The following CFAP20DC variants were observed in gnomAD, a reference collection of about 807,000 sequenced individuals.
CFAP20DC encodes protein CFAP20DC.
In CFAP20DC, 84 loss-of-function variants were observed where a neutral mutation model predicts 101.7. The ratio of observed to expected loss-of-function variants is 0.83; its 90% CI spans 0.69 to 0.99. CFAP20DC has a LOEUF of 0.99. CFAP20DC is among the 50% of genes least tolerant of loss of function. CFAP20DC has a pLI of 0.00. For synonymous variants in CFAP20DC, 359 were observed against 351.2 expected (o/e 1.02, Z -0.25); for missense variants, 1,007 against 970.3 (o/e 1.04, Z -0.50).
At chr3:59,037,471 G>A (rs1243543076) in intron 4 of CFAP20DC, among the ~76,000 whole-genome samples, 1 of 151,390 alleles carries the variant, frequency 6.6e-6, no homozygotes, top group Admixed American at 6.6e-5. Flanking sequence ...CTGGGCAAAG[G>A]ATATGAACAG....
At chr3:58,757,489 ATGG>A (rs2069074708) in intron 15 of CFAP20DC, among the ~76,000 whole-genome samples, 1 of 151,230 alleles carries the variant, frequency 6.6e-6, no homozygotes, top group African/African-American at 2.4e-5. Context: ...GTCTTTGTTT[ATGG>A]TGGTTTTTCT....
At position 58,964,218 on chromosome 3, in the gene CFAP20DC, C is replaced by G. The variant is rs1314992959; in HGVS notation, c.279-26456G>C. Among the ~76,000 whole-genome samples, 1 of 152,162 alleles carries G rather than the reference C, an allele frequency of 6.6e-6. No individual in the cohort carries two copies. The highest frequency in any genetic ancestry group is 1.5e-5 in the Non-Finnish European group (1 of 68,030). ...TCGGACAAGAGACTGATTTCAATAA[C>G]CTTCTCCTGTTAAGAAGACTACCCA... On this transcript the variant is annotated intron_variant, in intron 4 of 16. Coordinates refer to ENST00000482387, the MANE Select transcript of CFAP20DC (RefSeq NM_001394063.1). The surrounding 1 kb of genome is among the most constrained non-coding windows in gnomAD (Gnocchi z 4.1).
Position 58,831,699 on chromosome 3 carries a change from G to A in CFAP20DC, c.2162C>T (p.Ser721Phe), listed in dbSNP as rs2076403983. The A allele has an allele frequency of 2.1e-5, 34 of 1,613,892 alleles. No individual in the cohort carries two copies. Among genetic ancestry groups the A allele is most frequent in the Non-Finnish European group, 2.8e-5 (33 of 1,179,924 alleles). Residue 721 changes from serine to phenylalanine, a missense_variant, in exon 14 of 17, where the codon TCC becomes TTC. Ser to Phe is a radical substitution (Grantham distance 155, BLOSUM62 -2). Transcript: ENST00000482387. ...CCAGGGACTCACGGGTGGCAGGCAG[G>A]AGTTCCAGGTGGTTGTGTCGTCACT... The part of the protein sequence containing the change: ...TSSDDTTTWN[S>F]CLPPPVNQGR...
At chr3:58,812,339 T>A (rs558908291) in intron 14 of CFAP20DC, among the ~76,000 whole-genome samples, 7 of 152,048 alleles carry the variant, frequency 4.6e-5, no homozygotes, top group African/African-American at 9.7e-5. Context: ...GATTAAGAAA[T>A]TGTGGCACAT....
At chr3:58,813,046 T>C (rs2074796552) in intron 14 of CFAP20DC, among the ~76,000 whole-genome samples, 1 of 151,896 alleles carries the variant, frequency 6.6e-6, no homozygotes. Context: ...AGTAAGTGTG[T>C]AAATATAATT....
intron 7 of CFAP20DC, among the ~76,000 whole-genome samples, chr3:58,871,808 G>T (rs2080249071): frequency 6.6e-6 from 1 of 152,134 alleles, no homozygotes; most frequent in Non-Finnish European, 1.5e-5. Flanking sequence ...GATTATGGGT[G>T]TGAGCCACCG....
chr3:58,880,150 A>C (rs1468328445), intron 7 of CFAP20DC, among the ~76,000 whole-genome samples: 1 of 152,166 alleles, frequency 6.6e-6, no homozygotes, highest in East Asian at 1.9e-4. Context: ...TCTGTAATAG[A>C]GAAGGATATG....
chr3:58,970,153 C>T (rs1416250520), intron 4 of CFAP20DC, among the ~76,000 whole-genome samples: 2 of 152,048 alleles, frequency 1.3e-5, no homozygotes, highest in Non-Finnish European at 2.9e-5. Context: ...CTATGAAACA[C>T]ACTAGTTTCT....
intron 12 of CFAP20DC, among the ~76,000 whole-genome samples, chr3:58,850,742 G>C (rs564411746): frequency 6.6e-6 from 1 of 152,114 alleles, no homozygotes; most frequent in Non-Finnish European, 1.5e-5. Context: ...CTGACAATGC[G>C]TATCTTGACA....
At chr3:58,815,663 A>G (rs1172053503) in intron 14 of CFAP20DC, among the ~76,000 whole-genome samples, 2 of 151,002 alleles carry the variant, frequency 1.3e-5, no homozygotes, top group East Asian at 3.9e-4. Flanking sequence ...AATTTACAAG[A>G]AAAAAAACAA....
rs545065100 is a variant in CFAP20DC at position 58,984,174 on chromosome 3, A to C, written c.279-46412T>G. 1.1e-4 allele frequency among the ~76,000 whole-genome samples: 16 copies of C among 152,334 alleles called. No homozygotes were observed. In the East Asian group the frequency reaches 2.9e-3, roughly 28 times the overall value. ...GCATTCCATCCTGCTTACTAAAATTAAATTTTCTCTACTTAGATAAAACCT... is the reference window on the plus strand; with the variant it reads ...GCATTCCATCCTGCTTACTAAAATTCAATTTTCTCTACTTAGATAAAACCT... On this transcript the variant is annotated intron_variant, in intron 4 of 16. Transcript: ENST00000482387.
At chr3:58,884,443 GA>G in intron 7 of CFAP20DC, 101 bp downstream of exon 7, 1 of 1,076,120 alleles carries the variant, frequency 9.3e-7, no homozygotes, top group Non-Finnish European at 1.4e-6. Context: ...AAGTGCGAAG[GA>G]TATAGAAGAA....
chr3:58,864,386 A>T lies in CFAP20DC; in HGVS notation c.1259-494T>A, dbSNP rs929813171. Reference sequence around the variant, plus strand: ...AACCTGCTAAACACTCAACCCATACATCAGTGCCTATAGCTATGGGCAACT... The same window carrying T: ...AACCTGCTAAACACTCAACCCATACTTCAGTGCCTATAGCTATGGGCAACT... On this transcript the variant is annotated intron_variant, in intron 11 of 16. Transcript: ENST00000482387. The surrounding 1 kb of genome is among the most constrained non-coding windows in gnomAD (Gnocchi z 4.7). Among the ~76,000 whole-genome samples the T allele has an allele frequency of 1.3e-5, 2 of 152,204 alleles. No homozygotes were observed. The highest frequency in any genetic ancestry group is 4.8e-5 in the African/African-American group (2 of 41,448).
At chr3:58,961,368 A>T (rs922839774) in intron 4 of CFAP20DC, among the ~76,000 whole-genome samples, 1 of 152,168 alleles carries the variant, frequency 6.6e-6, no homozygotes, top group Non-Finnish European at 1.5e-5. Context: ...AGCCTGGCCA[A>T]CATGGTGAAA....
chr3:58,943,377 C>T (rs1318589101), intron 4 of CFAP20DC, among the ~76,000 whole-genome samples: 1 of 152,182 alleles, frequency 6.6e-6, no homozygotes, highest in East Asian at 1.9e-4. Flanking sequence ...GAGGAAGGAA[C>T]AGGCAGGAAT....
At chr3:58,921,144 T>C (rs1576313059) in intron 5 of CFAP20DC, among the ~76,000 whole-genome samples, 1 of 152,236 alleles carries the variant, frequency 6.6e-6, no homozygotes, top group Admixed American at 6.5e-5. Flanking sequence ...TGTTCTTTTT[T>C]TTCTTGATTA....
intron 4 of CFAP20DC, among the ~76,000 whole-genome samples, chr3:58,944,662 C>T (rs888988168): frequency 6.7e-6 from 1 of 148,522 alleles, no homozygotes; most frequent in Admixed American, 6.6e-5. Context: ...ACCACAGAAC[C>T]ATATTATATT....
chr3:58,806,368 T>A, intron 15 of CFAP20DC, 27 bp downstream of exon 15: 1 of 1,471,860 alleles, frequency 6.8e-7, no homozygotes, highest in Non-Finnish European at 9.5e-7. Flanking sequence ...TTTTTTTTCT[T>A]AAATGTAGAT....
intron 4 of CFAP20DC, among the ~76,000 whole-genome samples, chr3:58,958,390 T>C (rs1361828361): frequency 6.6e-6 from 1 of 152,242 alleles, no homozygotes; most frequent in Non-Finnish European, 1.5e-5. Flanking sequence ...TATTCTACTA[T>C]ATGGATGTAT....
Sources: allele counts gnomAD v4.1 joint callset (sites outside exome capture counted in the v4.1 genomes callset), GRCh38; gene constraint gnomAD v4.1.1; non-coding constraint Gnocchi (gnomAD v3.1); transcripts MANE v1.5; gene names NCBI Gene and HGNC (gene_info 2026-07-23, HGNC 2026-07-21).